Variants in FAM219A observed in about 807,000 individuals in gnomAD.
FAM219A encodes the protein family with sequence similarity 219 member A.
In FAM219A, 7 loss-of-function variants were observed where a neutral mutation model predicts 23.4. The observed-to-expected ratio is 0.30, with a 90% CI of 0.17 to 0.56. The LOEUF is 0.56. Ranked by LOEUF, FAM219A falls within the 20% of genes least tolerant of loss-of-function variation. FAM219A has a pLI of 0.92. For missense variants in FAM219A, 166 were observed against 246.9 expected, an observed-to-expected ratio of 0.67 and a Z score of 2.20; for synonymous variants, 93 against 99.0, an observed-to-expected ratio of 0.94 and a Z score of 0.36.
At chr9:34,406,277 C>T in intron 1 of FAM219A, 1 of 984,886 alleles carries the variant, frequency 1.0e-6, no homozygotes. Context: ...CTTCCTTCTC[C>T]TAACTCCCAT....
intron 1 of FAM219A, among the ~76,000 whole-genome samples, chr9:34,426,186 A>G (rs1822461951): frequency 6.6e-6 from 1 of 152,142 alleles, no homozygotes; most frequent in Non-Finnish European, 1.5e-5. Flanking sequence ...TGAATTTTTT[A>G]TATAATGACT....
chr9:34,455,144 G>T (rs1823684935), intron 1 of FAM219A, among the ~76,000 whole-genome samples: 1 of 152,130 alleles, frequency 6.6e-6, no homozygotes, highest in Admixed American at 6.6e-5. Context: ...TTTAATATTT[G>T]GGACAGAGCA....
intron 1 of FAM219A, among the ~76,000 whole-genome samples, chr9:34,411,800 A>C (rs1285347344): frequency 6.6e-6 from 1 of 152,222 alleles, no homozygotes; most frequent in Non-Finnish European, 1.5e-5. Context: ...GGACAAAGGG[A>C]GGGTGGTCAA....
chr9:34,431,081 C>T (rs4256660), intron 1 of FAM219A, among the ~76,000 whole-genome samples: 30,185 of 152,110 alleles, frequency 0.2, 3,479 homozygotes, highest in African/African-American at 0.32. Flanking sequence ...ACCCATGGCC[C>T]GCATGAACTG....
intron 1 of FAM219A, among the ~76,000 whole-genome samples, chr9:34,413,958 G>C (rs1181776823): frequency 6.6e-6 from 1 of 152,170 alleles, no homozygotes; most frequent in Non-Finnish European, 1.5e-5. Context: ...TGAGAAACTT[G>C]GGGCTGTGGT....
At chr9:34,422,821 A>C (rs1822328670) in intron 1 of FAM219A, among the ~76,000 whole-genome samples, 1 of 152,212 alleles carries the variant, frequency 6.6e-6, no homozygotes, top group Admixed American at 6.5e-5. Flanking sequence ...TTCTGGTCCT[A>C]CATTTTAAGG....
intron 1 of FAM219A, among the ~76,000 whole-genome samples, chr9:34,437,481 A>T (rs1425003631): frequency 6.6e-6 from 1 of 152,204 alleles, no homozygotes; most frequent in Non-Finnish European, 1.5e-5. Flanking sequence ...GTTCTAGAAT[A>T]TACCGACTTA....
At chr9:34,416,207 GA>G (rs1822000201) in intron 1 of FAM219A, among the ~76,000 whole-genome samples, 1 of 92,376 alleles carries the variant, frequency 1.1e-5, no homozygotes, top group Non-Finnish European at 2.2e-5. Context: ...AAGAAAGAAA[GA>G]AAGAAAGAAA....
At chr9:34,429,326 C>A (rs1016235025) in intron 1 of FAM219A, among the ~76,000 whole-genome samples, 1 of 152,174 alleles carries the variant, frequency 6.6e-6, no homozygotes, top group African/African-American at 2.4e-5. Context: ...GGAAGAGGGC[C>A]TTGCACAAAT....
At chr9:34,416,260 GGGGAGGGA>G (rs1252309714) in intron 1 of FAM219A, among the ~76,000 whole-genome samples, 2 of 77,158 alleles carry the variant, frequency 2.6e-5, no homozygotes, top group African/African-American at 1.0e-4. Flanking sequence ...AGAAAGAAAG[GGGGAGGGA>G]GGGAGGGAAG....
chr9:34,429,806 T>C (rs1167539067), intron 1 of FAM219A, among the ~76,000 whole-genome samples: 1 of 152,238 alleles, frequency 6.6e-6, no homozygotes, highest in Non-Finnish European at 1.5e-5. Flanking sequence ...AGTCCAGTGA[T>C]GGCTCATGAA....
chr9:34,441,566 A>G lies in FAM219A; in HGVS notation c.60+16638T>C, dbSNP rs1823174747. 2.0e-5 allele frequency among the ~76,000 whole-genome samples: 3 copies of G among 152,178 alleles called. No homozygotes were observed. In the South Asian group the frequency reaches 6.2e-4, roughly 32 times the overall value. On this transcript the variant is annotated intron_variant, in intron 1 of 5. Transcript: ENST00000651358. ...GTGGTGGAAGAAGCAGACCTAAAGG[A>G]GAGAGGGCCCGAGACCAGGTGATAC... is the stretch of plus-strand genomic sequence containing the variant.
At chr9:34,401,757 G>T (rs1409090734) in intron 4 of FAM219A, 37 bp from the exon 5 acceptor site, 4 of 1,593,504 alleles carry the variant, frequency 2.5e-6, no homozygotes, top group East Asian at 2.3e-5. Flanking sequence ...GTGATACCAA[G>T]AAATTACATA....
intron 1 of FAM219A, among the ~76,000 whole-genome samples, chr9:34,411,451 A>T (rs1821816568): frequency 1.3e-5 from 2 of 151,974 alleles, no homozygotes; most frequent in African/African-American, 4.8e-5. Flanking sequence ...GCACTTTGGG[A>T]GGCCAAAGCG....
chr9:34,453,281 C>T (rs1431433796), intron 1 of FAM219A, among the ~76,000 whole-genome samples: 1 of 152,148 alleles, frequency 6.6e-6, no homozygotes, highest in African/African-American at 2.4e-5. Flanking sequence ...TTCTCTCCGC[C>T]ACTTTCAGGA....
intron 1 of FAM219A, among the ~76,000 whole-genome samples, chr9:34,423,809 G>C (rs1822364386): frequency 1.3e-5 from 2 of 152,142 alleles, no homozygotes; most frequent in Admixed American, 6.5e-5. Flanking sequence ...AGGTCAAACC[G>C]CTGGGGCACT....
intron 1 of FAM219A, among the ~76,000 whole-genome samples, chr9:34,406,638 C>T (rs1003868635): frequency 6.6e-6 from 1 of 152,182 alleles, no homozygotes; most frequent in Non-Finnish European, 1.5e-5. Flanking sequence ...GCCAGTTAGT[C>T]TTTTGCTGCC....
At chr9:34,438,196 T>C (rs1823000532) in intron 1 of FAM219A, among the ~76,000 whole-genome samples, 1 of 152,220 alleles carries the variant, frequency 6.6e-6, no homozygotes, top group Non-Finnish European at 1.5e-5. Context: ...CCCGCCATGC[T>C]TGAGCCTCCC....
chr9:34,431,590 G>A lies in FAM219A; in HGVS notation c.61-25626C>T, dbSNP rs1242478429. 5.3e-5 allele frequency among the ~76,000 whole-genome samples: 8 copies of A among 152,144 alleles called. No homozygotes were observed. The East Asian group carries it at 1.5e-3, about 29-fold the overall frequency. On this transcript the variant is annotated intron_variant, in intron 1 of 5. Coordinates refer to ENST00000651358, the MANE Select transcript of FAM219A (RefSeq NM_001184940.2). ...ATTTCTTTTCCTAAATCCAAGAGGA[G>A]AGAGCTGGGTGTGGTGGTATATGCC...
Sources: gnomAD v4.1 joint callset for allele counts (sites outside exome capture counted in the v4.1 genomes callset) on GRCh38, gnomAD v4.1.1 for gene constraint, MANE v1.5 for transcripts, NCBI Gene and HGNC (gene_info 2026-07-23, HGNC 2026-07-21) for gene names.